Variants in LAMC3 observed in about 807,000 individuals in gnomAD.
LAMC3 encodes the protein laminin subunit gamma 3.
In LAMC3, 128 loss-of-function variants were observed where a neutral mutation model predicts 173.8. The ratio of observed to expected loss-of-function variants is 0.74; its 90% CI spans 0.64 to 0.85. The LOEUF (loss-of-function observed/expected upper bound fraction) is 0.85, where lower values mean the gene tolerates loss of function less well. LAMC3 is among the 40% of genes least tolerant of loss of function. LAMC3 has a pLI of 0.00. For missense variants in LAMC3, 2,022 were observed against 2,156.0 expected (o/e 0.94, Z 1.23); for synonymous variants, 897 against 909.1 (o/e 0.99, Z 0.24).
In LAMC3 at chr9:131,087,708, C is replaced by G. The variant is rs759659704; in HGVS notation, c.4378-10C>G. On this transcript the variant is annotated splice_polypyrimidine_tract_variant and intron_variant, in intron 26 of 27. Coordinates refer to ENST00000361069, the MANE Select transcript of LAMC3 (RefSeq NM_006059.4). ...CCATTCAAGCTGTTTCTTCCTCCTCCCCCTGAAAGGTGGGTGCTGGGCTGA... is the reference window on the plus strand; with the variant it reads ...CCATTCAAGCTGTTTCTTCCTCCTCGCCCTGAAAGGTGGGTGCTGGGCTGA... 1 of 1,613,954 alleles carries G rather than the reference C, an allele frequency of 6.2e-7. No individual in the cohort carries two copies. The highest frequency in any genetic ancestry group is 8.5e-7 in the Non-Finnish European group (1 of 1,179,850).
chr9:131,069,939 T>C (rs1181106494), intron 17 of LAMC3, 89 bp downstream of exon 17: 2 of 1,321,302 alleles, frequency 1.5e-6, no homozygotes, highest in Non-Finnish European at 2.1e-6. Flanking sequence ...AACTGCCTGC[T>C]TACCCCCAGT....
Position 131,068,224 on chromosome 9 carries a change from T to C in LAMC3, c.2740T>C (p.Cys914Arg). ...GFFDLQPGRG[C>R]RSCKCHPLGS... Reference sequence around the variant, plus strand: ...CTTCGACCTCCAGCCTGGGAGGGGCTGCCGGAGGTAGGTAGGGTGAGACTG... The same window carrying C: ...CTTCGACCTCCAGCCTGGGAGGGGCCGCCGGAGGTAGGTAGGGTGAGACTG... Residue 914 changes from cysteine (C) to arginine (R), a missense_variant, in exon 15 of 28, where the codon TGC becomes CGC. Physicochemically the swap from Cys to Arg is radical, Grantham distance 180. Transcript: ENST00000361069. 6.2e-7 allele frequency: 1 copy of C among 1,609,876 alleles called. No homozygotes were observed. The highest frequency in any genetic ancestry group is 1.1e-5 in the South Asian group (1 of 91,046).
intron 1 of LAMC3, among the ~76,000 whole-genome samples, chr9:131,015,831 A>AT (rs1345640286): frequency 6.6e-6 from 1 of 151,810 alleles, no homozygotes; most frequent in African/African-American, 2.4e-5. Context: ...AATTTTTTGT[A>AT]TTTTTTTGTA....
intron 1 of LAMC3, among the ~76,000 whole-genome samples, chr9:131,010,881 C>T (rs375512612): frequency 7.2e-5 from 11 of 152,314 alleles, no homozygotes; most frequent in African/African-American, 1.9e-4. Context: ...CTCCTCCCTC[C>T]GTGTTCAGCC....
intron 11 of LAMC3, among the ~76,000 whole-genome samples, chr9:131,055,559 G>A (rs1315208250): frequency 6.6e-6 from 1 of 150,574 alleles, no homozygotes; most frequent in Non-Finnish European, 1.5e-5. Flanking sequence ...CGAGTAGCTA[G>A]GACTACAGGC....
chr9:131,015,170 A>C (rs2133205600), intron 1 of LAMC3, among the ~76,000 whole-genome samples: 1 of 152,328 alleles, frequency 6.6e-6, no homozygotes, highest in East Asian at 1.9e-4. Flanking sequence ...CCACAGAGCC[A>C]GGAATTGGTG....
chr9:131,046,450 C>T lies in LAMC3; in HGVS notation c.1519+790C>T, dbSNP rs1588149595. On this transcript the variant is annotated intron_variant, in intron 8 of 27. Coordinates refer to ENST00000361069, the MANE Select transcript of LAMC3 (RefSeq NM_006059.4). ...TCTCAATCTCCTGGGCTCAAGTAGT[C>T]TGCCCACCTCCGCCTCCCAAAATGC... Among the ~76,000 whole-genome samples, 3 of 150,776 alleles carry T rather than the reference C, an allele frequency of 2.0e-5. 1 individual carries two copies.
intron 1 of LAMC3, among the ~76,000 whole-genome samples, chr9:131,023,838 A>G (rs1374614074): frequency 6.6e-6 from 1 of 152,134 alleles, no homozygotes; most frequent in Non-Finnish European, 1.5e-5. Flanking sequence ...TCCTGCGCTC[A>G]AGCAATCTAC....
At chr9:131,020,899 A>G (rs1833612556) in intron 1 of LAMC3, among the ~76,000 whole-genome samples, 2 of 152,182 alleles carry the variant, frequency 1.3e-5, no homozygotes, top group African/African-American at 4.8e-5. Context: ...TTTTGGGTAT[A>G]TCCCCAGAAG....
In LAMC3 at chr9:131,067,125, C is replaced by G. The variant is rs1564383874; in HGVS notation, c.2513C>G (p.Thr838Ser). ...CACTGCCTGCGCTGCCTGCACAACACCACGGGTGACCACTGTGAGCACTGT... is the reference window on the plus strand; with the variant it reads ...CACTGCCTGCGCTGCCTGCACAACAGCACGGGTGACCACTGTGAGCACTGT... Reference protein sequence around the residue: ...SGHCLRCLHNTTGDHCEHCQE... With the variant: ...SGHCLRCLHNSTGDHCEHCQE... The change falls in exon 14 of 28, where the codon ACC (threonine) becomes AGC (serine). Residue 838 changes from threonine to serine, a missense_variant. Coordinates refer to ENST00000361069, the MANE Select transcript of LAMC3 (RefSeq NM_006059.4). 2.5e-6 allele frequency: 4 copies of G among 1,614,196 alleles called. No homozygotes were observed. The highest frequency in any genetic ancestry group is 2.5e-6 in the Non-Finnish European group (3 of 1,180,038).
rs957187404 is a variant in LAMC3, at chr9:131,009,721, A to T, written c.373+134A>T. On this transcript the variant is annotated intron_variant, in intron 1 of 27. Coordinates refer to ENST00000361069, the MANE Select transcript of LAMC3 (RefSeq NM_006059.4). The surrounding 1 kb of genome is among the most constrained non-coding windows in gnomAD (Gnocchi z 4.3). ...GATATGGTGTTGGATGGAGGGGCTCAGAAATAGGAATTAGGCTGGGTGCGG... is the reference window on the plus strand; with the variant it reads ...GATATGGTGTTGGATGGAGGGGCTCTGAAATAGGAATTAGGCTGGGTGCGG... The T allele has an allele frequency of 4.5e-6, 5 of 1,113,754 alleles. No homozygotes were observed. In the African/African-American group the frequency reaches 8.0e-5, roughly 18 times the overall value. The allele number at this position is 1,113,754 out of a possible 1,614,324, so 69.0% of individuals were successfully genotyped here. A position where few individuals can be genotyped will look rare whatever the true frequency, so the allele number is the denominator to read the frequency against.
At chr9:131,022,506 T>C (rs1186120015) in intron 1 of LAMC3, among the ~76,000 whole-genome samples, 1 of 152,194 alleles carries the variant, frequency 6.6e-6, no homozygotes, top group Non-Finnish European at 1.5e-5. Context: ...TGGTTTTTAG[T>C]ATATACACAC....
chr9:131,088,404 G>A (rs938946954), intron 27 of LAMC3, among the ~76,000 whole-genome samples: 10 of 152,076 alleles, frequency 6.6e-5, no homozygotes, highest in Non-Finnish European at 1.2e-4. Context: ...ATAGCGGCTC[G>A]TAGGAAGGAG....
intron 20 of LAMC3, among the ~76,000 whole-genome samples, chr9:131,074,499 C>T: frequency 6.6e-6 from 1 of 151,682 alleles, no homozygotes; most frequent in Non-Finnish European, 1.5e-5. Context: ...AGTTCAATAC[C>T]AGCCTGGCCA....
intron 23 of LAMC3, chr9:131,080,511 G>A (rs188008796): frequency 6.6e-6 from 1 of 152,168 alleles, no homozygotes; most frequent in East Asian, 1.9e-4. Flanking sequence ...CTGAACTCCT[G>A]ATCTCAGATG....
chr9:131,059,901 C>T (rs1328271180), intron 12 of LAMC3, among the ~76,000 whole-genome samples: 1 of 152,232 alleles, frequency 6.6e-6, no homozygotes, highest in Non-Finnish European at 1.5e-5. Context: ...CGACCTGGTT[C>T]TCACTCTTCC....
Position 131,085,572 on chromosome 9 carries a change from G to A in LAMC3, c.4079G>A (p.Arg1360Lys). The change falls in exon 25 of 28, where the codon AGG (arginine) becomes AAG (lysine). Residue 1360 changes from arginine (R) to lysine (K), a missense_variant. Arg to Lys is a conservative substitution (Grantham distance 26, BLOSUM62 2). Coordinates refer to ENST00000361069, the MANE Select transcript of LAMC3 (RefSeq NM_006059.4). ...PRPKDQAALQ[R>K]KADSVSDRLL... ...CCCAAGGACCAGGCGGCATTGCAGAGGAAGGCAGACTCCGTCAGTGACAGA... is the reference window on the plus strand; with the variant it reads ...CCCAAGGACCAGGCGGCATTGCAGAAGAAGGCAGACTCCGTCAGTGACAGA... 1 of 1,614,112 alleles carries A rather than the reference G, an allele frequency of 6.2e-7. No homozygotes were observed.
At chr9:131,056,385 T>C (rs1564378910) in intron 11 of LAMC3, among the ~76,000 whole-genome samples, 1 of 152,078 alleles carries the variant, frequency 6.6e-6, no homozygotes. Flanking sequence ...TTTAAATCTA[T>C]ATATCGTTAA....
At chr9:131,062,655 G>C (rs911377541) in intron 13 of LAMC3, among the ~76,000 whole-genome samples, 3 of 152,028 alleles carry the variant, frequency 2.0e-5, no homozygotes, top group Non-Finnish European at 2.9e-5. Flanking sequence ...GATCACCTGC[G>C]GTCCGGAGTC....
Sources: allele counts gnomAD v4.1 joint callset (sites outside exome capture counted in the v4.1 genomes callset), GRCh38; gene constraint gnomAD v4.1.1; non-coding constraint Gnocchi (gnomAD v3.1); transcripts MANE v1.5; gene names NCBI Gene and HGNC (gene_info 2026-07-23, HGNC 2026-07-21).